The following SH3TC2 variants were observed in gnomAD, a reference collection of about 807,000 sequenced individuals.
SH3TC2 encodes the protein SH3 domain and tetratricopeptide repeats 2.
A neutral mutation model predicts 124.5 loss-of-function variants in SH3TC2; 87 were observed. The ratio of observed to expected loss-of-function variants is 0.70; its 90% CI spans 0.59 to 0.84. The LOEUF (loss-of-function observed/expected upper bound fraction) is 0.84, where lower values mean the gene tolerates loss of function less well. Ranked by LOEUF, SH3TC2 falls within the 40% of genes least tolerant of loss-of-function variation. The pLI is 0.00. For synonymous variants in SH3TC2, 634 were observed against 628.5 expected (o/e 1.01, Z -0.13); for missense variants, 1,536 against 1,566.4 (o/e 0.98, Z 0.33).
chr5:149,011,589 T>C (rs1158257225), intron 13 of SH3TC2, among the ~76,000 whole-genome samples: 3 of 152,208 alleles, frequency 2.0e-5, no homozygotes, highest in African/African-American at 7.2e-5. Flanking sequence ...ATGGAAATTA[T>C]AATGGAAAAT....
In SH3TC2 at chr5:149,027,939, A is replaced by T; in HGVS notation, c.1793T>A (p.Leu598Gln). 2 of 1,614,148 alleles carry T rather than the reference A, an allele frequency of 1.2e-6. No homozygotes were observed. Among genetic ancestry groups the T allele is most frequent in the Non-Finnish European group, 1.7e-6 (2 of 1,180,050 alleles). ...CTCACGGTCAGGCAGGCAGGCCAGC[A>T]GGGCACCTGCCTTTTCCAACAGGGC... ...GSALLEKAGA[L>Q]LACLPDRESS... The change falls in exon 11 of 17, where the codon CTG becomes CAG. Residue 598 changes from leucine to glutamine, a missense_variant. Transcript: ENST00000515425.
Position 148,984,076 on chromosome 5 carries a change from C to G in SH3TC2, c.*20635G>C, listed in dbSNP as rs912280020. 6.6e-6 allele frequency among the ~76,000 whole-genome samples: 1 copy of G among 152,224 alleles called. No homozygotes were observed. Among genetic ancestry groups the G allele is most frequent in the Non-Finnish European group, 1.5e-5 (1 of 68,034 alleles). ...TTCTTGTACATGAATATTGATATCA[C>G]TTCCCAGATTTGGGACGTTTTCAGC... On this transcript the variant is annotated 3_prime_UTR_variant, in exon 17 of 17. Transcript: ENST00000515425.
At position 149,028,045 on chromosome 5, in the gene SH3TC2, C is replaced by T. The variant is rs1352458432; in HGVS notation, c.1687G>A (p.Glu563Lys). Residue 563 changes from glutamate (E) to lysine (K), a missense_variant, in exon 11 of 17, where the codon GAG becomes AAG. Coordinates refer to ENST00000515425, the MANE Select transcript of SH3TC2 (RefSeq NM_024577.4). ...EAIHILNGAF[E>K]DLSLVATLYI... is the part of the protein sequence containing the mutation. ...AGAGTGGCCACCAAGGATAGGTCCT[C>T]AAATGCTCCATTGAGAATGTGGATG... 1 of 1,614,012 alleles carries T rather than the reference C, an allele frequency of 6.2e-7. No homozygotes were observed. Among genetic ancestry groups the T allele is most frequent in the Non-Finnish European group, 8.5e-7 (1 of 1,180,044 alleles).
intron 12 of SH3TC2, among the ~76,000 whole-genome samples, chr5:149,022,364 C>T (rs1056770107): frequency 2.0e-5 from 3 of 151,984 alleles, no homozygotes; most frequent in African/African-American, 2.4e-5. Context: ...CTAGGAATGG[C>T]TAAAATAAAA....
intron 7 of SH3TC2, among the ~76,000 whole-genome samples, 169 bp from the exon 8 acceptor site, chr5:149,038,659 T>C (rs1211804704): frequency 2.6e-5 from 4 of 152,188 alleles, no homozygotes; most frequent in Non-Finnish European, 4.4e-5. Context: ...CACAGGACAA[T>C]TTGCTTTTCA....
chr5:148,999,109 T>C lies in SH3TC2; in HGVS notation c.*5602A>G, dbSNP rs962945838. Reference sequence around the variant, plus strand: ...TTAAAAGTCTGAGCAGAGGAATAATTGAAGCTTAAAGAGGTAAAGTAAGTT... The same window carrying C: ...TTAAAAGTCTGAGCAGAGGAATAATCGAAGCTTAAAGAGGTAAAGTAAGTT... On this transcript the variant is annotated 3_prime_UTR_variant, in exon 17 of 17. Coordinates refer to ENST00000515425, the MANE Select transcript of SH3TC2 (RefSeq NM_024577.4). 2.6e-5 allele frequency among the ~76,000 whole-genome samples: 4 copies of C among 152,208 alleles called. No individual in the cohort carries two copies. Among genetic ancestry groups the C allele is most frequent in the Admixed American group, 6.5e-5 (1 of 15,284 alleles).
chr5:149,030,665 C>T (rs527588069), intron 9 of SH3TC2, among the ~76,000 whole-genome samples: 1 of 152,376 alleles, frequency 6.6e-6, no homozygotes, highest in South Asian at 2.1e-4. Flanking sequence ...CACAAACACT[C>T]TTTATGCACG....
In SH3TC2 at chr5:149,039,843, A is replaced by T. The variant is rs17722269; in HGVS notation, c.805+761T>A. On this transcript the variant is annotated intron_variant, in intron 7 of 16. Coordinates refer to ENST00000515425, the MANE Select transcript of SH3TC2 (RefSeq NM_024577.4). Reference sequence around the variant, plus strand: ...TAGGAAGCTAAAAATCTTGTTTGTCATCAGTAATTTATTAGATCTGATGTC... The same window carrying T: ...TAGGAAGCTAAAAATCTTGTTTGTCTTCAGTAATTTATTAGATCTGATGTC... 2.2e-3 allele frequency among the ~76,000 whole-genome samples: 329 copies of T among 152,342 alleles called. 13 individuals carry two copies. The East Asian group carries it at 0.052, about 24-fold the overall frequency.
In SH3TC2 at chr5:148,999,229, G is replaced by C. The variant is rs1405855565; in HGVS notation, c.*5482C>G. On this transcript the variant is annotated 3_prime_UTR_variant, in exon 17 of 17. Coordinates refer to ENST00000515425, the MANE Select transcript of SH3TC2 (RefSeq NM_024577.4). Reference sequence around the variant, plus strand: ...GTGCCTGGCCACACCTCCAGGTTTGGCTGCACTTCTCAATGTCAAGGCTTA... The same window carrying C: ...GTGCCTGGCCACACCTCCAGGTTTGCCTGCACTTCTCAATGTCAAGGCTTA... 6.6e-6 allele frequency among the ~76,000 whole-genome samples: 1 copy of C among 152,212 alleles called. No homozygotes were observed. The highest frequency in any genetic ancestry group is 1.5e-5 in the Non-Finnish European group (1 of 68,030).
chr5:149,023,185 T>C (rs183547310), intron 12 of SH3TC2, among the ~76,000 whole-genome samples: 4 of 152,338 alleles, frequency 2.6e-5, no homozygotes, highest in South Asian at 2.1e-4. Context: ...ACTGTTCTGT[T>C]TGTGGGTATT....
rs560657754 is a variant in SH3TC2, at chr5:149,029,546, G to C, written c.1136-828C>G. 2.0e-5 allele frequency among the ~76,000 whole-genome samples: 3 copies of C among 152,200 alleles called. No individual in the cohort carries two copies. The South Asian group carries it at 6.2e-4, about 32-fold the overall frequency. On this transcript the variant is annotated intron_variant, in intron 9 of 16. Transcript: ENST00000515425. ...GTAATCACACAGGTGAGGCATCTGG[G>C]GGAAAAGAAAAGCAGCAGGGGAGTG...
At chr5:149,017,966 C>T (rs908524502) in intron 12 of SH3TC2, among the ~76,000 whole-genome samples, 24 of 152,336 alleles carry the variant, frequency 1.6e-4, no homozygotes, top group African/African-American at 5.3e-4. Context: ...CATACTACAA[C>T]TGCAGAGTGG....
At chr5:149,016,498 A>G (rs1753874851) in intron 12 of SH3TC2, among the ~76,000 whole-genome samples, 1 of 152,210 alleles carries the variant, frequency 6.6e-6, no homozygotes, top group African/African-American at 2.4e-5. Flanking sequence ...ATTTCAGGAA[A>G]AGCAATTCTT....
chr5:148,998,651 T>C lies in SH3TC2; in HGVS notation c.*6060A>G, dbSNP rs574929869. Among the ~76,000 whole-genome samples the C allele has an allele frequency of 6.6e-6, 1 of 152,330 alleles. No individual in the cohort carries two copies. Among genetic ancestry groups the C allele is most frequent in the South Asian group, 2.1e-4 (1 of 4,818 alleles). On this transcript the variant is annotated 3_prime_UTR_variant, in exon 17 of 17. Coordinates refer to ENST00000515425, the MANE Select transcript of SH3TC2 (RefSeq NM_024577.4). ...CAAGCCAAGCAGCCCCACTGTGCAG[T>C]CCTGGCCACGCAAGTTATTCTTGAT... is the stretch of plus-strand genomic sequence containing the variant.
In SH3TC2 at chr5:149,041,589, G is replaced by A. The variant is rs141289653; in HGVS notation, c.558C>T (p.Ser186=). 5.2e-4 allele frequency: 839 copies of A among 1,614,168 alleles called. 8 individuals carry two copies. In the African/African-American group the frequency reaches 9.8e-3, roughly 19 times the overall value. Residue 186 remains serine, a synonymous_variant, in exon 6 of 17, where the codon TCC becomes TCT. Coordinates refer to ENST00000515425, the MANE Select transcript of SH3TC2 (RefSeq NM_024577.4). Reference sequence around the variant, plus strand: ...CTTCCTTCTCGGCTGGTGGAGTCACGGAGCACAGGGCTCTGCAGAAGAAGT... The same window carrying A: ...CTTCCTTCTCGGCTGGTGGAGTCACAGAGCACAGGGCTCTGCAGAAGAAGT... The part of the protein sequence containing the change: ...EGHFFCRALC[S]VTPPAEKEGE...
At position 148,992,410 on chromosome 5, in the gene SH3TC2, G is replaced by A. The variant is rs1753433309; in HGVS notation, c.*12301C>T. The stretch of plus-strand genomic sequence containing the variant: ...TAAGCAGTATGTATGTCAGTTCTCA[G>A]GCATCACCTGGAGGATACATATATA... On this transcript the variant is annotated 3_prime_UTR_variant, in exon 17 of 17. Coordinates refer to ENST00000515425, the MANE Select transcript of SH3TC2 (RefSeq NM_024577.4). Among the ~76,000 whole-genome samples, 1 of 152,014 alleles carries A rather than the reference G, an allele frequency of 6.6e-6. No individual in the cohort carries two copies. Among genetic ancestry groups the A allele is most frequent in the Non-Finnish European group, 1.5e-5 (1 of 68,006 alleles).
In SH3TC2 at chr5:148,992,466, T is replaced by C. The variant is rs1162745048; in HGVS notation, c.*12245A>G. Among the ~76,000 whole-genome samples the C allele has an allele frequency of 6.6e-6, 1 of 152,186 alleles. No homozygotes were observed. The highest frequency in any genetic ancestry group is 1.5e-5 in the Non-Finnish European group (1 of 68,022). On this transcript the variant is annotated 3_prime_UTR_variant, in exon 17 of 17. Transcript: ENST00000515425. ...TACCTAAGCCCTAGCATGTCAACCC[T>C]GGACAGGTCCTGACAGATTACCGAG...
In SH3TC2 at chr5:148,993,657, C is replaced by G. The variant is rs886060134; in HGVS notation, c.*11054G>C. 6.6e-6 allele frequency among the ~76,000 whole-genome samples: 1 copy of G among 152,162 alleles called. No homozygotes were observed. Among genetic ancestry groups the G allele is most frequent in the Non-Finnish European group, 1.5e-5 (1 of 68,034 alleles). ...TGACAGTTCCAATAAAGGGAGGTCA[C>G]AACTTCCTGTGACTGTGCTTGGTAA... is the stretch of plus-strand genomic sequence containing the variant. On this transcript the variant is annotated 3_prime_UTR_variant, in exon 17 of 17. Transcript: ENST00000515425.
At chr5:149,036,936 C>A (rs901919214) in intron 8 of SH3TC2, among the ~76,000 whole-genome samples, 1 of 152,188 alleles carries the variant, frequency 6.6e-6, no homozygotes, top group Non-Finnish European at 1.5e-5. Context: ...CGCTGGTCTC[C>A]TGCCTCCAGA....
Sources: gnomAD v4.1 joint callset for allele counts (sites outside exome capture counted in the v4.1 genomes callset) on GRCh38, gnomAD v4.1.1 for gene constraint, MANE v1.5 for transcripts, NCBI Gene and HGNC (gene_info 2026-07-23, HGNC 2026-07-21) for gene names.